MYBPHL: variants seen among roughly 807,000 people sequenced by gnomAD.
MYBPHL encodes the protein myosin-binding protein H-like.
In MYBPHL, 32 loss-of-function variants were observed where a neutral mutation model predicts 39.5. That is an observed-to-expected ratio of 0.81 (90% CI 0.61 to 1.09). MYBPHL has a LOEUF of 1.09. Ranked by LOEUF, MYBPHL falls within the 50% of genes least tolerant of loss-of-function variation. The pLI is 0.00. For synonymous variants in MYBPHL, 196 were observed against 183.7 expected (o/e 1.07, Z -0.54); for missense variants, 456 against 460.2 (o/e 0.99, Z 0.08).
At chr1:109,303,741 G>A (rs1010643531) in intron 1 of MYBPHL, among the ~76,000 whole-genome samples, 1 of 152,142 alleles carries the variant, frequency 6.6e-6, no homozygotes. Context: ...ACTTGGTCCT[G>A]TCAGTCCTTA....
intron 1 of MYBPHL, among the ~76,000 whole-genome samples, chr1:109,301,752 A>G (rs954555550): frequency 2.0e-5 from 3 of 152,250 alleles, no homozygotes; most frequent in African/African-American, 7.2e-5. Flanking sequence ...AAAAAGAAAA[A>G]AAAAAAAAGA....
At chr1:109,300,598 A>G (rs972273926) in intron 1 of MYBPHL, among the ~76,000 whole-genome samples, 2 of 152,216 alleles carry the variant, frequency 1.3e-5, no homozygotes, top group African/African-American at 4.8e-5. Context: ...AACACCTGGG[A>G]AAATGTTAGC....
At position 109,295,264 on chromosome 1, in the gene MYBPHL, T is replaced by C; in HGVS notation, c.901A>G (p.Ile301Val). The C allele has an allele frequency of 1.9e-6, 3 of 1,614,066 alleles. No individual in the cohort carries two copies. Among genetic ancestry groups the C allele is most frequent in the Non-Finnish European group, 1.7e-6 (2 of 1,179,958 alleles). Residue 301 changes from isoleucine (I) to valine (V), a missense_variant, in exon 7 of 9, where the codon ATC (isoleucine) becomes GTC (valine). By Grantham distance (29) the Ile-to-Val change is conservative. Coordinates refer to ENST00000357155, the MANE Select transcript of MYBPHL (RefSeq NM_001010985.3). Reference sequence around the variant, plus strand: ...GCTCTGTACTTAGGGTTGCCTTGGATATCCATCTTGTTCTTCAGCCAGATG... The same window carrying C: ...GCTCTGTACTTAGGGTTGCCTTGGACATCCATCTTGTTCTTCAGCCAGATG... ...KIIWLKNKMD[I>V]QGNPKYRALT...
rs443345 is a variant in MYBPHL at position 109,306,632 on chromosome 1, A to G, written c.145+215T>C. ...CAACACCATCACTGACTTCTCAGCT[A>G]AAACACAAAAACTTAGCAGGGACAT... On this transcript the variant is annotated intron_variant, in intron 1 of 8. Transcript: ENST00000357155. Among the ~76,000 whole-genome samples the G allele has an allele frequency of 0.65, 98,450 of 152,084 alleles. 33,726 individuals are homozygous for G. Among genetic ancestry groups the G allele is most frequent in the East Asian group, 0.96 (4,970 of 5,184 alleles).
Position 109,292,958 on chromosome 1 carries a change from T to C in MYBPHL, c.*34-370A>G, listed in dbSNP as rs1054047830. 3 of 152,242 alleles carry C rather than the reference T, an allele frequency of 2.0e-5. No homozygotes were observed. The East Asian group carries it at 5.8e-4, about 29-fold the overall frequency. The allele number at this position is 152,242 out of a possible 1,614,324, so 9.4% of individuals were successfully genotyped here. The stretch of plus-strand genomic sequence containing the variant: ...AAAAGAGCTGTCCGGTTCTAAATGA[T>C]GAGCTGAGCTGTCTTTTGCCAATAA... On this transcript the variant is annotated intron_variant, in intron 8 of 8. Transcript: ENST00000357155.
At chr1:109,297,223 A>G (rs779794538) in intron 3 of MYBPHL, 34 bp from the exon 4 acceptor site, 16 of 1,613,958 alleles carry the variant, frequency 9.9e-6, no homozygotes, top group Non-Finnish European at 1.4e-5. Flanking sequence ...TGGGCGTGGA[A>G]CATCCCACAT....
intron 1 of MYBPHL, among the ~76,000 whole-genome samples, chr1:109,301,431 T>TA (rs1188070635): frequency 6.6e-6 from 1 of 152,160 alleles, no homozygotes; most frequent in African/African-American, 2.4e-5. Flanking sequence ...TAATTCTTTC[T>TA]AAAAAATTCT....
chr1:109,306,194 C>T (rs903943920), intron 1 of MYBPHL, among the ~76,000 whole-genome samples: 9 of 152,294 alleles, frequency 5.9e-5, no homozygotes, highest in East Asian at 1.9e-4. Context: ...CAGGGATGGG[C>T]GGCAGGAAGC....
In MYBPHL at chr1:109,292,476, G is replaced by A. The variant is rs1381727573; in HGVS notation, c.*146C>T. On this transcript the variant is annotated 3_prime_UTR_variant, in exon 9 of 9. Coordinates refer to ENST00000357155, the MANE Select transcript of MYBPHL (RefSeq NM_001010985.3). The stretch of plus-strand genomic sequence containing the variant: ...GCTTCCTGGAGGCACTGAAAAGAGG[G>A]AGCACTTTGTAGCCATGACAGCAAA... 1 of 152,230 alleles carries A rather than the reference G, an allele frequency of 6.6e-6. No homozygotes were observed. The highest frequency in any genetic ancestry group is 1.9e-4 in the East Asian group (1 of 5,190). 9.4% of individuals were successfully genotyped at this position (152,230 alleles called of 1,614,324 possible).
intron 5 of MYBPHL, 29 bp downstream of exon 5, chr1:109,296,754 C>A: frequency 6.2e-7 from 1 of 1,613,738 alleles, no homozygotes; most frequent in Middle Eastern, 1.7e-4. Flanking sequence ...TTAAGTCTTC[C>A]CAGCTCATGA....
chr1:109,300,861 G>A (rs755079123), intron 1 of MYBPHL, among the ~76,000 whole-genome samples: 6 of 152,162 alleles, frequency 3.9e-5, no homozygotes, highest in Non-Finnish European at 7.4e-5. Context: ...CTGACAAGAT[G>A]ACGAAACTTA....
At chr1:109,300,792 G>A (rs1217263522) in intron 1 of MYBPHL, among the ~76,000 whole-genome samples, 1 of 152,104 alleles carries the variant, frequency 6.6e-6, no homozygotes, top group Non-Finnish European at 1.5e-5. Flanking sequence ...CCGCGAGGAC[G>A]GCAGTCTCTC....
In MYBPHL at chr1:109,298,204, C is replaced by A. The variant is rs201113761; in HGVS notation, c.199G>T (p.Val67Phe). 3.7e-6 allele frequency: 6 copies of A among 1,610,274 alleles called. No homozygotes were observed. The highest frequency in any genetic ancestry group is 2.3e-5 in the East Asian group (1 of 44,368). The change falls in exon 2 of 9, where the codon GTT (valine) becomes TTT (phenylalanine). Residue 67 changes from valine (V) to phenylalanine (F), a missense_variant. Physicochemically the swap from Val to Phe is conservative, Grantham distance 50. Coordinates refer to ENST00000357155, the MANE Select transcript of MYBPHL (RefSeq NM_001010985.3). ...RALRQTYIRK[V>F]GDTVNLLIPF... ...ATTAGTAGGTTCACTGTGTCCCCAA[C>A]CTTCCGGATGTAGGTCTGCCTCAGG... is the stretch of plus-strand genomic sequence containing the variant.
chr1:109,296,880 G>C lies in MYBPHL; in HGVS notation c.633C>G (p.Ile211Met). Residue 211 changes from isoleucine to methionine, a missense_variant, in exon 5 of 9, where the codon ATC (isoleucine) becomes ATG (methionine). Ile to Met is a conservative substitution (Grantham distance 10, BLOSUM62 1). Transcript: ENST00000357155. ...AGACACGGAAGGCATAGGAGTTGCC[G>C]ATGATGAGGTCAGAGACGATGCAGC... ...RTSCIVSDLIIGNSYAFRVFA... is the reference protein window; with the variant it reads ...RTSCIVSDLIMGNSYAFRVFA... 5 of 1,614,176 alleles carry C rather than the reference G, an allele frequency of 3.1e-6. No homozygotes were observed. Among genetic ancestry groups the C allele is most frequent in the Non-Finnish European group, 4.2e-6 (5 of 1,180,030 alleles).
chr1:109,305,814 C>T (rs537662496), intron 1 of MYBPHL, among the ~76,000 whole-genome samples: 93 of 152,350 alleles, frequency 6.1e-4, no homozygotes, highest in Non-Finnish European at 7.9e-4. Context: ...GGAGGTAGAA[C>T]GCAGCCTTCA....
At chr1:109,296,123 G>T in intron 6 of MYBPHL, 111 bp downstream of exon 6, 1 of 1,360,186 alleles carries the variant, frequency 7.4e-7, no homozygotes, top group Non-Finnish European at 1.0e-6. Flanking sequence ...AGAGGCAGAT[G>T]GCGGTGATGG....
At chr1:109,294,389 AG>A in intron 7 of MYBPHL, 140 bp from the exon 8 acceptor site, 1 of 729,864 alleles carries the variant, frequency 1.4e-6, no homozygotes, top group Non-Finnish European at 2.4e-6. Flanking sequence ...TACATAGAGA[AG>A]AACAGGACAT....
At chr1:109,293,315 C>G (rs900131632) in intron 8 of MYBPHL, among the ~76,000 whole-genome samples, 13 of 152,198 alleles carry the variant, frequency 8.5e-5, no homozygotes, top group African/African-American at 3.1e-4. Flanking sequence ...TGCTGTCACT[C>G]TTCTTCAGAG....
intron 8 of MYBPHL, among the ~76,000 whole-genome samples, chr1:109,293,676 C>T (rs1422917022): frequency 6.6e-6 from 1 of 151,406 alleles, no homozygotes; most frequent in African/African-American, 2.4e-5. Flanking sequence ...GCAGGCAGAG[C>T]TTGCAGTGAG....
Sources: gnomAD v4.1 joint callset for allele counts (sites outside exome capture counted in the v4.1 genomes callset) on GRCh38, gnomAD v4.1.1 for gene constraint, MANE v1.5 for transcripts, NCBI Gene and HGNC (gene_info 2026-07-23, HGNC 2026-07-21) for gene names.